DTNA: variants seen among roughly 807,000 people sequenced by gnomAD.
DTNA encodes dystrophin-related protein 3.
In DTNA, 43 loss-of-function variants were observed where a neutral mutation model predicts 100.7. The observed-to-expected ratio is 0.43, with a 90% CI of 0.33 to 0.55. The LOEUF is 0.55. DTNA is among the 20% of genes least tolerant of loss of function. The pLI is 0.04. For missense variants in DTNA, 798 were observed against 953.9 expected (o/e 0.84, Z 2.15); for synonymous variants, 349 against 347.9 (o/e 1.00, Z -0.04).
rs182135814 is a variant in DTNA at position 34,840,555 on chromosome 18, A to C, written c.1346+1718A>C. ...CTTAATTAAGGTTGTTAACAAAGAA[A>C]TCTCCAAAGAGAAAAGCTCAGAGTT... On this transcript the variant is annotated intron_variant, in intron 13 of 22. Coordinates refer to ENST00000444659, the MANE Select transcript of DTNA (RefSeq NM_001386795.1). Among the ~76,000 whole-genome samples, 269 of 152,282 alleles carry C rather than the reference A, an allele frequency of 1.8e-3. 1 individual carries two copies. The highest frequency in any genetic ancestry group is 6.3e-3 in the African/African-American group (263 of 41,566).
rs563151412 is a variant in DTNA, at chr18:34,595,732, T to C, written c.-2+102218T>C. On this transcript the variant is annotated intron_variant, in intron 1 of 19. Transcript: ENST00000283365. ...GAAATGTATTTTTAAAATTACATTA[T>C]AATTAAAGATCGTAAGAGTAAGTTG... Among the ~76,000 whole-genome samples, 370 of 152,352 alleles carry C rather than the reference T, an allele frequency of 2.4e-3. 3 individuals are homozygous for C. The highest frequency in any genetic ancestry group is 8.2e-3 in the African/African-American group (342 of 41,574).
intron 1 of DTNA, among the ~76,000 whole-genome samples, chr18:34,667,373 C>G (rs189358831): frequency 6.6e-5 from 10 of 152,132 alleles, no homozygotes; most frequent in South Asian, 6.2e-4. Flanking sequence ...CCGCAAACAG[C>G]GACAATTTGA....
chr18:34,803,218 C>T (rs1272103298), intron 4 of DTNA, among the ~76,000 whole-genome samples: 2 of 152,094 alleles, frequency 1.3e-5, no homozygotes, highest in African/African-American at 2.4e-5. Flanking sequence ...CAATAGATTC[C>T]AGTGGCCTAA....
intron 1 of DTNA, among the ~76,000 whole-genome samples, chr18:34,613,253 C>T (rs955973125): frequency 8.5e-5 from 13 of 152,288 alleles, no homozygotes; most frequent in African/African-American, 2.9e-4. Context: ...CTCCACTGAC[C>T]AGCCATTCCT....
intron 1 of DTNA, among the ~76,000 whole-genome samples, chr18:34,513,352 G>A (rs2041279450): frequency 6.6e-6 from 1 of 152,162 alleles, no homozygotes; most frequent in Admixed American, 6.5e-5. Context: ...ACATGTGCCA[G>A]TCTTTACCTA....
chr18:34,708,566 G>T (rs571252721), upstream of DTNA, among the ~76,000 whole-genome samples: 1 of 152,290 alleles, frequency 6.6e-6, no homozygotes, highest in South Asian at 2.1e-4. Context: ...TGACTGATCA[G>T]TTGCTCCTAG....
At chr18:34,867,469 T>C in intron 17 of DTNA, 1 of 1,218,772 alleles carries the variant, frequency 8.2e-7, no homozygotes, top group Non-Finnish European at 1.0e-6. Flanking sequence ...CATGGGGTAT[T>C]GCTATTGTAT....
chr18:34,787,301 A>G (rs909235083), intron 3 of DTNA, among the ~76,000 whole-genome samples: 1 of 152,030 alleles, frequency 6.6e-6, no homozygotes, highest in Non-Finnish European at 1.5e-5. Flanking sequence ...TTTTGTCAAA[A>G]CCCTTTTCCA....
intron 15 of DTNA, among the ~76,000 whole-genome samples, chr18:34,852,718 T>C (rs1790539): frequency 0.3 from 45,061 of 151,972 alleles, 7,314 homozygotes; most frequent in African/African-American, 0.44. Flanking sequence ...AGCCTTTGAA[T>C]TAGTCATTCC....
chr18:34,541,366 C>A (rs1568617557), intron 1 of DTNA, among the ~76,000 whole-genome samples: 1 of 152,026 alleles, frequency 6.6e-6, no homozygotes, highest in Non-Finnish European at 1.5e-5. Context: ...ACCCAAATCT[C>A]ACCTTTAATT....
At chr18:34,535,182 ATT>A (rs1166203894) in intron 1 of DTNA, among the ~76,000 whole-genome samples, 4 of 152,172 alleles carry the variant, frequency 2.6e-5, no homozygotes, top group Admixed American at 6.5e-5. Flanking sequence ...AATAATTGTC[ATT>A]CTAACTGGTG....
At chr18:34,809,013 T>C (rs1779673054) in intron 5 of DTNA, among the ~76,000 whole-genome samples, 1 of 152,342 alleles carries the variant, frequency 6.6e-6, no homozygotes. Context: ...CCTGGGAAGA[T>C]GGTTTTAGCA....
At chr18:34,869,631 G>A (rs1192255295) in intron 17 of DTNA, among the ~76,000 whole-genome samples, 3 of 152,182 alleles carry the variant, frequency 2.0e-5, no homozygotes, top group Admixed American at 2.0e-4. Flanking sequence ...TTCTATATGA[G>A]TGCAATGAAA....
chr18:34,769,183 T>C (rs2093637032), intron 3 of DTNA, among the ~76,000 whole-genome samples: 1 of 152,232 alleles, frequency 6.6e-6, no homozygotes, highest in Non-Finnish European at 1.5e-5. Context: ...TAAATGCAAG[T>C]ACTATATGTC....
chr18:34,737,645 C>G (rs1222123535), intron 1 of DTNA: 1 of 152,148 alleles, frequency 6.6e-6, no homozygotes, highest in Non-Finnish European at 1.5e-5. Flanking sequence ...TTTAGTCGCT[C>G]TCCCTCTCCG....
chr18:34,819,873 G>T (rs1343945437), intron 8 of DTNA, among the ~76,000 whole-genome samples: 1 of 151,870 alleles, frequency 6.6e-6, no homozygotes, highest in African/African-American at 2.4e-5. Flanking sequence ...ACCAATTATG[G>T]ACTCTAGGTA....
chr18:34,540,767 CTT>C (rs1182994459), intron 1 of DTNA, among the ~76,000 whole-genome samples: 1 of 152,058 alleles, frequency 6.6e-6, no homozygotes, highest in Non-Finnish European at 1.5e-5. Context: ...AAAAAATAGA[CTT>C]GATATCATTA....
rs187911128 is a variant in DTNA at position 34,534,113 on chromosome 18, A to G, written c.-2+40599A>G. Among the ~76,000 whole-genome samples, 438 of 151,996 alleles carry G rather than the reference A, an allele frequency of 2.9e-3. 2 individuals carry two copies. Among genetic ancestry groups the G allele is most frequent in the African/African-American group, 0.01 (416 of 41,498 alleles). ...TGTAATCCCAGCACTTTGGGAGTCCAAGGCGGGCAGATAACTGAGGTCAGG... is the reference window on the plus strand; with the variant it reads ...TGTAATCCCAGCACTTTGGGAGTCCGAGGCGGGCAGATAACTGAGGTCAGG... On this transcript the variant is annotated intron_variant, in intron 1 of 19. Coordinates refer to the DTNA transcript ENST00000283365.
intron 1 of DTNA, among the ~76,000 whole-genome samples, chr18:34,645,393 T>C (rs1163090551): frequency 1.3e-5 from 2 of 152,154 alleles, no homozygotes; most frequent in African/African-American, 4.8e-5. Context: ...AAGCTGAGAA[T>C]GTTATTCGTC....
Sources: gnomAD v4.1 joint callset for allele counts (sites outside exome capture counted in the v4.1 genomes callset) on GRCh38, gnomAD v4.1.1 for gene constraint, MANE v1.5 for transcripts, NCBI Gene and HGNC (gene_info 2026-07-23, HGNC 2026-07-21) for gene names.